Variants in KRIT1 observed in about 807,000 individuals in gnomAD.
KRIT1 encodes krev interaction trapped protein 1.
In KRIT1, 45 loss-of-function variants were observed where a neutral mutation model predicts 95.8. The observed-to-expected ratio is 0.47, with a 90% CI of 0.37 to 0.60. KRIT1 has a LOEUF of 0.60. Ranked by LOEUF, KRIT1 falls within the 20% of genes least tolerant of loss-of-function variation. The pLI is 0.00. For missense variants in KRIT1, 788 were observed against 877.5 expected (o/e 0.90, Z 1.29); for synonymous variants, 282 against 278.8 (o/e 1.01, Z -0.11).
At chr7:92,239,707 CTTTTTTT>C (rs35969231) in intron 5 of KRIT1, among the ~76,000 whole-genome samples, 3 of 132,612 alleles carry the variant, frequency 2.3e-5, no homozygotes, top group Non-Finnish European at 4.9e-5. Flanking sequence ...TATGCAGGAA[CTTTTTTT>C]TTTTTTTTTT....
At chr7:92,209,138 A>G (rs1792214807) in intron 17 of KRIT1, among the ~76,000 whole-genome samples, 1 of 152,084 alleles carries the variant, frequency 6.6e-6, no homozygotes, top group South Asian at 2.1e-4. Context: ...GAAGTTCAAT[A>G]TCGTTTCGTG....
chr7:92,236,445 T>C lies in KRIT1; in HGVS notation c.453A>G (p.Thr151=). The change falls in exon 7 of 19, where the codon ACA becomes ACG. Residue 151 remains threonine, a synonymous_variant. Coordinates refer to ENST00000394505, the MANE Select transcript of KRIT1 (RefSeq NM_194454.3). The stretch of plus-strand genomic sequence containing the variant: ...AGGCTATTAACATCCTTGCTGTAAG[T>C]GTAGCAAAATGAGTACTGGATTCAC... ...VCSESSTHFA[T]LTARMLIALD... is the part of the protein sequence containing the mutation. The C allele has an allele frequency of 6.2e-7, 1 of 1,606,086 alleles. No homozygotes were observed. The highest frequency in any genetic ancestry group is 8.5e-7 in the Non-Finnish European group (1 of 1,173,004).
At chr7:92,219,075 A>G (rs1383143482) in intron 14 of KRIT1, among the ~76,000 whole-genome samples, 1 of 152,192 alleles carries the variant, frequency 6.6e-6, no homozygotes, top group East Asian at 1.9e-4. Context: ...ATCTTGGCTC[A>G]CTGCCCCCTC....
At chr7:92,209,850 G>A (rs1792389991) in intron 17 of KRIT1, among the ~76,000 whole-genome samples, 2 of 151,828 alleles carry the variant, frequency 1.3e-5, no homozygotes, top group Non-Finnish European at 2.9e-5. Flanking sequence ...ATCACCTGAG[G>A]TCAGAAGTTC....
intron 17 of KRIT1, among the ~76,000 whole-genome samples, chr7:92,205,210 G>C (rs1253998646): frequency 1.3e-5 from 2 of 152,142 alleles, no homozygotes; most frequent in Non-Finnish European, 2.9e-5. Flanking sequence ...GCCAGGTGTG[G>C]TGGCACATGC....
intron 10 of KRIT1, among the ~76,000 whole-genome samples, chr7:92,230,793 A>G (rs976620826): frequency 1.3e-5 from 2 of 152,212 alleles, no homozygotes; most frequent in Non-Finnish European, 2.9e-5. Context: ...GATAGAGAAG[A>G]ACATTTCTGA....
chr7:92,233,478 C>G (rs553867318), intron 10 of KRIT1, among the ~76,000 whole-genome samples: 2 of 151,006 alleles, frequency 1.3e-5, no homozygotes, highest in East Asian at 3.9e-4. Context: ...GCAATCTCAG[C>G]TCACTGTAAT....
chr7:92,233,926 C>T (rs1405092120), intron 10 of KRIT1, among the ~76,000 whole-genome samples: 1 of 152,190 alleles, frequency 6.6e-6, no homozygotes, highest in East Asian at 1.9e-4. Flanking sequence ...GTGGAAAGAG[C>T]TAACCCCAAT....
intron 17 of KRIT1, among the ~76,000 whole-genome samples, chr7:92,208,861 C>T (rs1219840119): frequency 7.0e-6 from 1 of 143,698 alleles, no homozygotes; most frequent in East Asian, 2.0e-4. Context: ...AGCATCATTC[C>T]AATAACAAAA....
rs1409604560 is a variant in KRIT1, at chr7:92,235,588, G to A, written c.544C>T (p.Pro182Ser). Residue 182 changes from proline (P) to serine (S), a missense_variant, in exon 8 of 19, where the codon CCT becomes TCT. Pro to Ser is a moderately conservative substitution (Grantham distance 74, BLOSUM62 -1). Around this residue, in one of 3 missense-constraint regions of KRIT1, gnomAD observed 289 missense variants for 277.5 expected, o/e 1.04. Transcript: ENST00000394505. Reference sequence around the variant, plus strand: ...ACATTAGTTTTTATCCGCTCAAGAGGAGAAGGTCGGAATAAAGCTGGAATA... The same window carrying A: ...ACATTAGTTTTTATCCGCTCAAGAGAAGAAGGTCGGAATAAAGCTGGAATA... ...HFIPALFRPS[P>S]LERIKTNVIN... The A allele has an allele frequency of 6.2e-7, 1 of 1,613,780 alleles. No individual in the cohort carries two copies. Among genetic ancestry groups the A allele is most frequent in the Admixed American group, 1.7e-5 (1 of 60,006 alleles).
At position 92,236,466 on chromosome 7, in the gene KRIT1, T is replaced by G; in HGVS notation, c.432A>C (p.Glu144Asp). 1.2e-6 allele frequency: 2 copies of G among 1,600,594 alleles called. No homozygotes were observed. Among genetic ancestry groups the G allele is most frequent in the Non-Finnish European group, 1.7e-6 (2 of 1,167,974 alleles). Residue 144 changes from glutamate to aspartate, a missense_variant, in exon 7 of 19, where the codon GAA becomes GAC. Glu to Asp is a conservative substitution (Grantham distance 45, BLOSUM62 2). Coordinates refer to ENST00000394505, the MANE Select transcript of KRIT1 (RefSeq NM_194454.3). The part of the protein sequence containing the change: ...CLQDIMRVCS[E>D]SSTHFATLTA... ...TAAGTGTAGCAAAATGAGTACTGGA[T>G]TCACTACAGACTCGCATAATATCTT...
intron 8 of KRIT1, 105 bp downstream of exon 8, chr7:92,235,298 C>G: frequency 1.7e-6 from 2 of 1,156,716 alleles, no homozygotes; most frequent in South Asian, 1.3e-5. Flanking sequence ...CTGTACCAGG[C>G]CTTCATGTTT....
intron 10 of KRIT1, 152 bp downstream of exon 10, chr7:92,234,297 T>C: frequency 4.5e-6 from 3 of 671,196 alleles, no homozygotes; most frequent in Non-Finnish European, 5.2e-6. Flanking sequence ...CATTGGCACA[T>C]ATACAATCAT....
intron 14 of KRIT1, among the ~76,000 whole-genome samples, chr7:92,216,044 A>C (rs1320476259): frequency 1.3e-5 from 2 of 151,874 alleles, no homozygotes; most frequent in African/African-American, 4.8e-5. Flanking sequence ...GCTGGCTAAC[A>C]CGGTGAAACC....
intron 12 of KRIT1, among the ~76,000 whole-genome samples, chr7:92,224,694 G>A (rs1471638530): frequency 3.3e-5 from 5 of 152,090 alleles, no homozygotes; most frequent in Non-Finnish European, 7.4e-5. Flanking sequence ...TGAGTTAGCA[G>A]AATAAAAAAG....
intron 17 of KRIT1, chr7:92,205,746 CAAAAT>C (rs1563221849): frequency 6.6e-6 from 1 of 152,058 alleles, no homozygotes; most frequent in Non-Finnish European, 1.5e-5. Context: ...AAAAACAAAA[CAAAAT>C]GAAACAAATT....
At chr7:92,236,966 G>A (rs1798560272) in intron 6 of KRIT1, among the ~76,000 whole-genome samples, 1 of 152,166 alleles carries the variant, frequency 6.6e-6, no homozygotes, top group South Asian at 2.1e-4. Flanking sequence ...TATATCATCA[G>A]TGTTACTACT....
rs1459495749 is a variant in KRIT1 at position 92,219,648 on chromosome 7, G to A, written c.1563+2254C>T. ...CCCCTTGCAATTCTTGTGGATTTGAGTACTGTCTGTTCCACTTTCACAAAA... is the reference window on the plus strand; with the variant it reads ...CCCCTTGCAATTCTTGTGGATTTGAATACTGTCTGTTCCACTTTCACAAAA... On this transcript the variant is annotated intron_variant, in intron 14 of 18. Transcript: ENST00000394505. Among the ~76,000 whole-genome samples the A allele has an allele frequency of 6.6e-5, 10 of 152,194 alleles. 1 individual carries two copies. In the East Asian group the frequency reaches 1.9e-3, roughly 29 times the overall value.
rs752739125 is a variant in KRIT1 at position 92,221,997 on chromosome 7, T to C, written c.1468A>G (p.Ile490Val). Reference sequence around the variant, plus strand: ...TCCAGATTAGTCAATTCAGCAAGTATTTCTGGCCAGTCACGAACATGTTGC... The same window carrying C: ...TCCAGATTAGTCAATTCAGCAAGTACTTCTGGCCAGTCACGAACATGTTGC... Reference protein sequence around the residue: ...PLQHVRDWPEILAELTNLDPQ... With the variant: ...PLQHVRDWPEVLAELTNLDPQ... The change falls in exon 14 of 19, where the codon ATA becomes GTA. Residue 490 changes from isoleucine to valine, a missense_variant. Ile to Val is a conservative substitution (Grantham distance 29). Coordinates refer to ENST00000394505, the MANE Select transcript of KRIT1 (RefSeq NM_194454.3). The C allele has an allele frequency of 3.1e-6, 5 of 1,613,566 alleles. No homozygotes were observed. The highest frequency in any genetic ancestry group is 1.6e-4 in the Middle Eastern group (1 of 6,080).
Sources: gnomAD v4.1 joint callset for allele counts (sites outside exome capture counted in the v4.1 genomes callset) on GRCh38, gnomAD v4.1.1 for gene constraint, gnomAD v4.1.1 regional missense constraint, MANE v1.5 for transcripts, NCBI Gene and HGNC (gene_info 2026-07-23, HGNC 2026-07-21) for gene names.